The following SIGLEC9 variants were observed in gnomAD, a reference collection of about 807,000 sequenced individuals.
SIGLEC9 encodes the protein sialic acid-binding Ig-like lectin 9.
SIGLEC9 carries 26 observed loss-of-function variants against 38.3 expected under a neutral mutation model. The ratio of observed to expected loss-of-function variants is 0.68; its 90% CI spans 0.50 to 0.94. SIGLEC9 has a LOEUF of 0.94. Ranked by LOEUF, SIGLEC9 falls within the 40% of genes least tolerant of loss-of-function variation. The pLI is 0.00. For missense variants in SIGLEC9, 556 were observed against 585.7 expected (o/e 0.95, Z 0.52); for synonymous variants, 236 against 248.0 (o/e 0.95, Z 0.45).
intron 4 of SIGLEC9, 41 bp from the exon 5 acceptor site, chr19:51,127,908 C>A (rs867188): frequency 0.29 from 364,410 of 1,274,920 alleles, 56,480 homozygotes; most frequent in Non-Finnish European, 0.32. Flanking sequence ...AGACCCAATT[C>A]TCTATGATAT....
At chr19:51,122,580 CAA>C (rs71306113), upstream of SIGLEC9, 450 of 115,286 alleles carry the variant, frequency 3.9e-3, 3 homozygotes, top group African/African-American at 0.014. This position sits in a 1 kb window ranked among gnomAD's most constrained non-coding sequence, Gnocchi z 4.1. Flanking sequence ...GACTCCATCT[CAA>C]AAAAAAAAAA....
chr19:51,132,520 A>G (rs1207215570), downstream of SIGLEC9, among the ~76,000 whole-genome samples: 1 of 152,200 alleles, frequency 6.6e-6, no homozygotes, highest in Non-Finnish European at 1.5e-5. Flanking sequence ...TGTTTTTACC[A>G]GGCCATATGT....
At chr19:51,131,165 A>T (rs2092013015), downstream of SIGLEC9, among the ~76,000 whole-genome samples, 1 of 152,198 alleles carries the variant, frequency 6.6e-6, no homozygotes, top group Admixed American at 6.5e-5. Context: ...TCTCACAACA[A>T]TCACTTTATG....
chr19:51,130,717 TC>T (rs2092010506), downstream of SIGLEC9, among the ~76,000 whole-genome samples: 1 of 152,192 alleles, frequency 6.6e-6, no homozygotes, highest in Non-Finnish European at 1.5e-5. Context: ...CTGAGCTCTC[TC>T]CGCACTGCTC....
downstream of SIGLEC9, among the ~76,000 whole-genome samples, chr19:51,132,327 T>C (rs2092020750): frequency 6.6e-6 from 1 of 151,886 alleles, no homozygotes; most frequent in South Asian, 2.1e-4. Context: ...CTGTGGGGGG[T>C]GCACGGCAAC....
intron 6 of SIGLEC9, among the ~76,000 whole-genome samples, chr19:51,135,399 A>C (rs981735227): frequency 3.3e-5 from 5 of 152,230 alleles, no homozygotes; most frequent in Non-Finnish European, 7.3e-5. Flanking sequence ...TGCTGAATAT[A>C]GGCCCCGAAT....
At chr19:51,136,031 G>A in exon 7 of SIGLEC9, 1 of 703,582 alleles carries the variant, frequency 1.4e-6, no homozygotes, top group Non-Finnish European at 2.6e-6. Flanking sequence ...GAATCTCCGT[G>A]ATCTTTGTTG....
In SIGLEC9 at chr19:51,127,259, C is replaced by A. The variant is rs142204394; in HGVS notation, c.978C>A (p.Leu326=). Residue 326 remains leucine, a synonymous_variant, in exon 4 of 7, where the codon CTC becomes CTA. Coordinates refer to ENST00000250360, the MANE Select transcript of SIGLEC9 (RefSeq NM_014441.3). ...AEFTCRAQNP[L]GSQQVYLNVS... ...TCACCTGCAGAGCTCAGAACCCTCTCGGCTCTCAGCAGGTCTACCTGAACG... is the reference window on the plus strand; with the variant it reads ...TCACCTGCAGAGCTCAGAACCCTCTAGGCTCTCAGCAGGTCTACCTGAACG... 1.2e-6 allele frequency: 2 copies of A among 1,613,856 alleles called. No homozygotes were observed. Among genetic ancestry groups the A allele is most frequent in the Non-Finnish European group, 1.7e-6 (2 of 1,179,818 alleles).
At chr19:51,129,772 C>T (rs1337989828) in intron 6 of SIGLEC9, 119 bp from the exon 7 acceptor site, 1 of 697,804 alleles carries the variant, frequency 1.4e-6, no homozygotes, top group Non-Finnish European at 2.4e-6. Flanking sequence ...TGGTCTCAAA[C>T]TCCTGACCTC....
intron 2 of SIGLEC9, 44 bp downstream of exon 2, chr19:51,125,919 G>A (rs748368913): frequency 9.3e-6 from 15 of 1,611,544 alleles, no homozygotes; most frequent in African/African-American, 2.7e-5. Flanking sequence ...TGGGGTGAGC[G>A]TCAAGCCTGG....
intron 4 of SIGLEC9, 77 bp downstream of exon 4, chr19:51,127,373 G>A: frequency 6.9e-7 from 1 of 1,444,804 alleles, no homozygotes. Context: ...GCTGAGCGTG[G>A]ACCTTCAGAG....
chr19:51,127,142 G>C lies in SIGLEC9; in HGVS notation c.861G>C (p.Leu287=). 6.2e-7 allele frequency: 1 copy of C among 1,614,256 alleles called. No homozygotes were observed. Among genetic ancestry groups the C allele is most frequent in the Non-Finnish European group, 8.5e-7 (1 of 1,180,046 alleles). ...GCAATCCCCCTGCCAGGCTGAGCCT[G>C]AGCTGGAGAGGCCTGACCCTGTGCC... ...VDSNPPARLS[L]SWRGLTLCPS... The change falls in exon 4 of 7, where the codon CTG becomes CTC. Residue 287 remains leucine (L), a synonymous_variant. Coordinates refer to ENST00000250360, the MANE Select transcript of SIGLEC9 (RefSeq NM_014441.3).
chr19:51,127,224 G>A lies in SIGLEC9; in HGVS notation c.943G>A (p.Ala315Thr), dbSNP rs770419131. The change falls in exon 4 of 7, where the codon GCA becomes ACA. Residue 315 changes from alanine to threonine, a missense_variant. Physicochemically the swap from Ala to Thr is moderately conservative, Grantham distance 58. Transcript: ENST00000250360. ...GCTGCCTTGGGTGCACCTGAGGGATGCAGCTGAATTCACCTGCAGAGCTCA... is the reference window on the plus strand; with the variant it reads ...GCTGCCTTGGGTGCACCTGAGGGATACAGCTGAATTCACCTGCAGAGCTCA... Reference protein sequence around the residue: ...LELPWVHLRDAAEFTCRAQNP... With the variant: ...LELPWVHLRDTAEFTCRAQNP... 6.2e-7 allele frequency: 1 copy of A among 1,614,218 alleles called. No individual in the cohort carries two copies. Among genetic ancestry groups the A allele is most frequent in the Non-Finnish European group, 8.5e-7 (1 of 1,180,028 alleles).
chr19:51,126,213 C>A, intron 3 of SIGLEC9, 85 bp downstream of exon 3: 6 of 1,330,316 alleles, frequency 4.5e-6, no homozygotes, highest in Non-Finnish European at 6.5e-6. Context: ...CCTGGACTCA[C>A]TTTGGCAAAC....
downstream of SIGLEC9, among the ~76,000 whole-genome samples, chr19:51,131,598 T>A (rs60861409): frequency 0.032 from 4,495 of 141,546 alleles, 238 homozygotes; most frequent in African/African-American, 0.11. Flanking sequence ...AAAAAATAAA[T>A]AAATAAATAA....
At chr19:51,126,579 G>A (rs894778749) in intron 3 of SIGLEC9, among the ~76,000 whole-genome samples, 4 of 152,134 alleles carry the variant, frequency 2.6e-5, no homozygotes, top group African/African-American at 7.2e-5. Flanking sequence ...CCTGAGTCTC[G>A]GTTTGTACAC....
intron 3 of SIGLEC9, 144 bp downstream of exon 3, chr19:51,126,272 C>T: frequency 1.3e-6 from 1 of 794,018 alleles, no homozygotes; most frequent in Non-Finnish European, 2.2e-6. Context: ...TCCTTAGGCC[C>T]CAAGGCCACT....
chr19:51,129,892 G>A lies in SIGLEC9; in HGVS notation c.1205G>A (p.Gly402Glu). 6.3e-7 allele frequency: 1 copy of A among 1,577,800 alleles called. No individual in the cohort carries two copies. The highest frequency in any genetic ancestry group is 8.6e-7 in the Non-Finnish European group (1 of 1,163,382). ...TCACTTCTCTCTCCCATGTCTCAGG[G>A]GCCCCTGACTGAACCTTGGGCAGAA... ...ANAVRGSASQ[G>E]PLTEPWAEDS... The change falls in exon 7 of 7, where the codon GGG becomes GAG. Residue 402 changes from glycine to glutamate, a missense_variant and splice_region_variant. Physicochemically the swap from Gly to Glu is moderately conservative, Grantham distance 98. Transcript: ENST00000250360.
downstream of SIGLEC9, among the ~76,000 whole-genome samples, chr19:51,134,150 T>TTC (rs2092031243): frequency 2.2e-5 from 2 of 92,574 alleles, no homozygotes; most frequent in Non-Finnish European, 3.5e-5. Context: ...TTCTTTTCTT[T>TTC]TTTTTTTTTT....
Sources: gnomAD v4.1 joint callset for allele counts (sites outside exome capture counted in the v4.1 genomes callset) on GRCh38, gnomAD v4.1.1 for gene constraint, Gnocchi (gnomAD v3.1) non-coding constraint, MANE v1.5 for transcripts, NCBI Gene and HGNC (gene_info 2026-07-23, HGNC 2026-07-21) for gene names.